The following ESPL1 variants were observed in gnomAD, a reference collection of about 807,000 sequenced individuals.
The protein encoded by ESPL1 is separin.
In ESPL1, 50 loss-of-function variants were observed where a neutral mutation model predicts 217.2. That is an observed-to-expected ratio of 0.23 (90% CI 0.18 to 0.29). The LOEUF is 0.29. ESPL1 is among the 10% of genes least tolerant of loss of function. ESPL1 has a pLI of 1.00. For synonymous variants in ESPL1, 994 were observed against 1,081.3 expected, an observed-to-expected ratio of 0.92 and a Z score of 1.58; for missense variants, 1,834 against 2,603.0, an observed-to-expected ratio of 0.70 and a Z score of 6.43.
chr12:53,288,963 C>A, intron 20 of ESPL1, 127 bp from the exon 21 acceptor site: 1 of 808,576 alleles, frequency 1.2e-6, no homozygotes, highest in Non-Finnish European at 2.1e-6. Context: ...TGGCACATTG[C>A]CCTTCATAAA....
rs749827032 is a variant in ESPL1, at chr12:53,279,809, C to T, written c.2442C>T (p.Gly814=). ...ERLKDHSKAA[G]SSCHITQLLL... ...TGAAGGACCACTCGAAGGCAGCTGG[C>T]TCCTCCTGCCACATCACCCAGCTCC... Residue 814 remains glycine, a synonymous_variant, in exon 12 of 31, where the codon GGC becomes GGT. Coordinates refer to ENST00000257934, the MANE Select transcript of ESPL1 (RefSeq NM_012291.5). 1 of 1,612,598 alleles carries T rather than the reference C, an allele frequency of 6.2e-7. No homozygotes were observed. The highest frequency in any genetic ancestry group is 1.7e-5 in the Admixed American group (1 of 59,848).
intron 21 of ESPL1, 28 bp from the exon 22 acceptor site, chr12:53,289,376 A>T: frequency 6.2e-7 from 1 of 1,611,018 alleles, no homozygotes; most frequent in Non-Finnish European, 8.5e-7. Context: ...AAGGAATGGG[A>T]CCTCACCCCT....
At chr12:53,290,501 T>C in intron 24 of ESPL1, 32 bp downstream of exon 24, 3 of 1,609,378 alleles carry the variant, frequency 1.9e-6, no homozygotes, top group Non-Finnish European at 2.5e-6. Context: ...TCAGGCCTGC[T>C]CTAGGAATGA....
chr12:53,287,768 T>A (rs895636174), intron 18 of ESPL1: 6 of 518,162 alleles, frequency 1.2e-5, no homozygotes, highest in Admixed American at 3.6e-5. Flanking sequence ...CCACCTTCTG[T>A]TCCCTCATTT....
chr12:53,291,912 C>A, intron 26 of ESPL1, 52 bp downstream of exon 26: 1 of 1,587,212 alleles, frequency 6.3e-7, no homozygotes, highest in Non-Finnish European at 8.6e-7. Flanking sequence ...AATACCAACT[C>A]ATCCCCATGC....
intron 17 of ESPL1, among the ~76,000 whole-genome samples, chr12:53,285,559 A>C (rs1331850667): frequency 2.0e-5 from 3 of 152,192 alleles, no homozygotes; most frequent in Middle Eastern, 3.4e-3. Flanking sequence ...AATACAAAAA[A>C]TTAGCCGGGC....
At chr12:53,271,856 G>T (rs1226530010) in intron 5 of ESPL1, among the ~76,000 whole-genome samples, 1 of 152,176 alleles carries the variant, frequency 6.6e-6, no homozygotes, top group Non-Finnish European at 1.5e-5. Context: ...TTGGGAGGCC[G>T]AGGCGGGCGG....
chr12:53,270,795 A>T lies in ESPL1; in HGVS notation c.1366A>T (p.Thr456Ser). ...AGAGCTGACGGACCACATGGGGATGACCGGTTAGTGCCCTGGGTCCCAGGC... is the reference window on the plus strand; with the variant it reads ...AGAGCTGACGGACCACATGGGGATGTCCGGTTAGTGCCCTGGGTCCCAGGC... ...GQELTDHMGM[T>S]ASYTSNLAYS... Residue 456 changes from threonine (T) to serine (S), a missense_variant, in exon 5 of 31, where the codon ACC (threonine) becomes TCC (serine). By Grantham distance (58) the Thr-to-Ser change is moderately conservative. Around this residue, in one of 5 missense-constraint regions of ESPL1, gnomAD observed 746 missense variants for 1,077.0 expected, o/e 0.69. Coordinates refer to ENST00000257934, the MANE Select transcript of ESPL1 (RefSeq NM_012291.5). The T allele has an allele frequency of 1.2e-6, 2 of 1,614,096 alleles. No homozygotes were observed. Among genetic ancestry groups the T allele is most frequent in the Non-Finnish European group, 1.7e-6 (2 of 1,179,994 alleles).
At chr12:53,285,356 G>C (rs1943930000) in intron 17 of ESPL1, among the ~76,000 whole-genome samples, 1 of 152,180 alleles carries the variant, frequency 6.6e-6, no homozygotes, top group African/African-American at 2.4e-5. Flanking sequence ...TTCAGGTGTG[G>C]GCCTGCTGGG....
chr12:53,285,440 T>C (rs10876424), intron 17 of ESPL1, among the ~76,000 whole-genome samples: 140,797 of 152,226 alleles, frequency 0.92, 66,083 homozygotes, highest in East Asian at 1. Flanking sequence ...ATTTGATCCA[T>C]TGTTGGTTGG....
In ESPL1 at chr12:53,274,772, T is replaced by A. The variant is rs777469941; in HGVS notation, c.1507-45T>A. ...GCATATCCCCTTCCACCATACACAC[T>A]CACTGGTTCCTCTCCAGTTTGGTCT... On this transcript the variant is annotated intron_variant, in intron 6 of 30. Coordinates refer to ENST00000257934, the MANE Select transcript of ESPL1 (RefSeq NM_012291.5). 4 of 1,494,488 alleles carry A rather than the reference T, an allele frequency of 2.7e-6. No homozygotes were observed. In the East Asian group the frequency reaches 6.8e-5, roughly 25 times the overall value. 92.6% of individuals were successfully genotyped at this position (1,494,488 alleles called of 1,614,324 possible).
At position 53,284,222 on chromosome 12, in the gene ESPL1, G is replaced by A. The variant is rs1943909193; in HGVS notation, c.3187+55G>A. On this transcript the variant is annotated intron_variant, in intron 17 of 30. Coordinates refer to ENST00000257934, the MANE Select transcript of ESPL1 (RefSeq NM_012291.5). Reference sequence around the variant, plus strand: ...CGGTGCTGAAATGACACACACTACAGCACATCTTTCTATGTAAAGGTTTCG... The same window carrying A: ...CGGTGCTGAAATGACACACACTACAACACATCTTTCTATGTAAAGGTTTCG... 1.8e-5 allele frequency: 19 copies of A among 1,037,372 alleles called. No homozygotes were observed. The South Asian group carries it at 2.4e-4, about 13-fold the overall frequency. 64.3% of individuals were successfully genotyped at this position (1,037,372 alleles called of 1,614,324 possible).
Position 53,286,120 on chromosome 12 carries a change from C to A in ESPL1, c.3384C>A (p.Val1128=), listed in dbSNP as rs939891173. Reference sequence around the variant, plus strand: ...CACCTTCTACAAACTCCTCCCCAGTCTTGAAAACCAAGCCCCAGCCCATAC... The same window carrying A: ...CACCTTCTACAAACTCCTCCCCAGTATTGAAAACCAAGCCCCAGCCCATAC... ...PIAPSTNSSP[V]LKTKPQPIPN... The change falls in exon 18 of 31, where the codon GTC becomes GTA. Residue 1128 remains valine (V), a synonymous_variant. Coordinates refer to ENST00000257934, the MANE Select transcript of ESPL1 (RefSeq NM_012291.5). This position sits in a 1 kb window ranked among gnomAD's most constrained non-coding sequence, Gnocchi z 5.3. 6.2e-7 allele frequency: 1 copy of A among 1,613,976 alleles called. No individual in the cohort carries two copies. The highest frequency in any genetic ancestry group is 8.5e-7 in the Non-Finnish European group (1 of 1,179,844).
Position 53,269,716 on chromosome 12 carries a change from C to T in ESPL1, c.774C>T (p.His258=), listed in dbSNP as rs1161867266. ...ALCLLELTLE[H]CRRFCWSRHH... is the part of the protein sequence containing the mutation. ...GCCTCTTGGAGCTCACCTTGGAACA[C>T]TGCCGTCGCTTTTGCTGGAGCCGCC... The change falls in exon 3 of 31, where the codon CAC becomes CAT. Residue 258 remains histidine (H), a synonymous_variant. Coordinates refer to ENST00000257934, the MANE Select transcript of ESPL1 (RefSeq NM_012291.5). The surrounding 1 kb of genome is among the most constrained non-coding windows in gnomAD (Gnocchi z 6.7). 3.8e-5 allele frequency: 61 copies of T among 1,614,214 alleles called. No homozygotes were observed. The highest frequency in any genetic ancestry group is 5.2e-5 in the Non-Finnish European group (61 of 1,180,044).
intron 16 of ESPL1, among the ~76,000 whole-genome samples, chr12:53,283,748 G>T (rs978847887): frequency 6.6e-6 from 1 of 152,182 alleles, no homozygotes; most frequent in Admixed American, 6.5e-5. Context: ...TTCAGTATGC[G>T]GATGTGCCTT....
chr12:53,289,667 GT>G, intron 22 of ESPL1, 73 bp downstream of exon 22: 1 of 1,304,810 alleles, frequency 7.7e-7, no homozygotes, highest in Non-Finnish European at 1.1e-6. Context: ...GGGTGAAGGA[GT>G]TTTAGGCATT....
chr12:53,286,132 G>A lies in ESPL1; in HGVS notation c.3396G>A (p.Lys1132=). The A allele has an allele frequency of 1.2e-6, 2 of 1,614,106 alleles. No individual in the cohort carries two copies. The highest frequency in any genetic ancestry group is 1.7e-6 in the Non-Finnish European group (2 of 1,179,966). ...ACTCCTCCCCAGTCTTGAAAACCAA[G>A]CCCCAGCCCATACCCAACTTCCTGT... ...STNSSPVLKT[K]PQPIPNFLSH... The change falls in exon 18 of 31, where the codon AAG becomes AAA. Residue 1132 remains lysine, a synonymous_variant. Coordinates refer to ENST00000257934, the MANE Select transcript of ESPL1 (RefSeq NM_012291.5). The surrounding 1 kb of genome is among the most constrained non-coding windows in gnomAD (Gnocchi z 5.3).
Position 53,286,191 on chromosome 12 carries a change from C to T in ESPL1, c.3455C>T (p.Ala1152Val), listed in dbSNP as rs766861399. The change falls in exon 18 of 31, where the codon GCC becomes GTC. Residue 1152 changes from alanine (A) to valine (V), a missense_variant. Physicochemically the swap from Ala to Val is moderately conservative, Grantham distance 64. Coordinates refer to ENST00000257934, the MANE Select transcript of ESPL1 (RefSeq NM_012291.5). The surrounding 1 kb of genome is among the most constrained non-coding windows in gnomAD (Gnocchi z 5.3). ...HSPTCDCSLC[A>V]SPVLTAVCLR... is the part of the protein sequence containing the mutation. ...CCCACCTGTGACTGCTCGCTCTGCGCCAGCCCTGTCCTCACAGCAGTCTGT... is the reference window on the plus strand; with the variant it reads ...CCCACCTGTGACTGCTCGCTCTGCGTCAGCCCTGTCCTCACAGCAGTCTGT... 8 of 1,614,260 alleles carry T rather than the reference C, an allele frequency of 5.0e-6. No individual in the cohort carries two copies. In the Admixed American group the frequency reaches 5.0e-5, roughly 10 times the overall value.
chr12:53,268,926 T>A, intron 2 of ESPL1, 79 bp downstream of exon 2: 1 of 1,485,538 alleles, frequency 6.7e-7, no homozygotes, highest in Non-Finnish European at 9.3e-7. Context: ...AAGAGATGGA[T>A]AAGTAGGCGA....
Sources: allele counts gnomAD v4.1 joint callset (sites outside exome capture counted in the v4.1 genomes callset), GRCh38; gene constraint gnomAD v4.1.1; regional missense constraint gnomAD v4.1.1; non-coding constraint Gnocchi (gnomAD v3.1); transcripts MANE v1.5; gene names NCBI Gene and HGNC (gene_info 2026-07-23, HGNC 2026-07-21).